Variants in PTPRA observed in about 807,000 individuals in gnomAD.
PTPRA encodes receptor-type tyrosine-protein phosphatase alpha.
Under a neutral mutation model 104.8 loss-of-function variants are expected in PTPRA, and 25 were observed. The observed-to-expected ratio is 0.24, with a 90% CI of 0.17 to 0.33. The LOEUF (loss-of-function observed/expected upper bound fraction) is 0.33, where lower values mean the gene tolerates loss of function less well. Among genes scored for constraint, PTPRA ranks in the 10% least tolerant of loss-of-function variants. The pLI, the probability that PTPRA is intolerant of heterozygous loss-of-function variation, is 1.00. For synonymous variants in PTPRA, 323 were observed against 368.9 expected (o/e 0.88, Z 1.43); for missense variants, 765 against 1,015.3 (o/e 0.75, Z 3.35).
the PTPRA span, chr20:2,866,295 C>G: frequency 6.2e-7 from 1 of 1,613,960 alleles, no homozygotes; most frequent in South Asian, 1.1e-5. Context: ...AGCAGAAGGT[C>G]AAGGCTTTGC....
At chr20:2,974,640 G>C (rs1010155678) in intron 5 of PTPRA, among the ~76,000 whole-genome samples, 1 of 152,088 alleles carries the variant, frequency 6.6e-6, no homozygotes, top group Non-Finnish European at 1.5e-5. Context: ...ATGTTGGCCA[G>C]GCTGGTCTCG....
At chr20:2,988,213 G>A in intron 8 of PTPRA, 108 bp downstream of exon 8, 1 of 1,520,098 alleles carries the variant, frequency 6.6e-7, no homozygotes, top group South Asian at 1.2e-5. Context: ...GAGGAAAAAA[G>A]ATTTTTGAAG....
intron 11 of PTPRA, 79 bp from the exon 12 acceptor site, chr20:3,015,759 TTTGTTAACTGG>T: frequency 1.8e-6 from 2 of 1,107,430 alleles, no homozygotes; most frequent in Middle Eastern, 2.0e-4. Context: ...ATTTTCAGGT[TTTGTTAACTGG>T]TTGGAGTCAG....
intron 3 of PTPRA, among the ~76,000 whole-genome samples, chr20:2,961,895 CT>C (rs904815815): frequency 5.3e-5 from 8 of 152,160 alleles, no homozygotes; most frequent in African/African-American, 1.9e-4. Flanking sequence ...GCCTTTGCTC[CT>C]TTGTCAGTTG....
chr20:2,995,087 A>C (rs922178410), intron 9 of PTPRA, among the ~76,000 whole-genome samples: 4 of 152,288 alleles, frequency 2.6e-5, no homozygotes, highest in Middle Eastern at 3.4e-3. Flanking sequence ...CCAAGATTGC[A>C]CCACTGCTCT....
In PTPRA at chr20:3,037,095, C is replaced by G. The variant is rs2148536273; in HGVS notation, c.2199-59C>G. 1.3e-6 allele frequency: 2 copies of G among 1,585,104 alleles called. No homozygotes were observed. Among genetic ancestry groups the G allele is most frequent in the Middle Eastern group, 3.5e-4 (2 of 5,794 alleles). ...CCTCTTCTGCCACTCACCACTGTCA[C>G]TCACCCCCTTGCACAGAGGGCCATC... On this transcript the variant is annotated intron_variant, in intron 22 of 23. Coordinates refer to ENST00000399903, the MANE Select transcript of PTPRA (RefSeq NM_001385305.1). This position sits in a 1 kb window ranked among gnomAD's most constrained non-coding sequence, Gnocchi z 4.3.
At chr20:2,875,067 G>A (rs2089626359) in intron 1 of PTPRA, among the ~76,000 whole-genome samples, 1 of 152,186 alleles carries the variant, frequency 6.6e-6, no homozygotes, top group Non-Finnish European at 1.5e-5. Flanking sequence ...CCCGTGGTGG[G>A]AGAATCCTCC....
At chr20:2,925,690 T>G (rs949087923) in intron 2 of PTPRA, among the ~76,000 whole-genome samples, 1 of 152,170 alleles carries the variant, frequency 6.6e-6, no homozygotes, top group Non-Finnish European at 1.5e-5. Context: ...GCTGCATGCC[T>G]GTAATTCCCA....
In PTPRA at chr20:2,919,870, C is replaced by T. The variant is rs547441935; in HGVS notation, c.-128-3337C>T. Among the ~76,000 whole-genome samples the T allele has an allele frequency of 8.5e-5, 13 of 152,280 alleles. No homozygotes were observed. In the East Asian group the frequency reaches 2.5e-3, roughly 29 times the overall value. ...CACAAACTACAAATGTTTCTTACAT[C>T]TTTGAGTGGTTGGAAAAATATCAAA... On this transcript the variant is annotated intron_variant, in intron 1 of 23. Coordinates refer to ENST00000399903, the MANE Select transcript of PTPRA (RefSeq NM_001385305.1).
intron 3 of PTPRA, 140 bp downstream of exon 3, chr20:2,948,164 C>CT (rs2061208280): frequency 2.6e-6 from 1 of 381,418 alleles, no homozygotes; most frequent in African/African-American, 2.1e-5. Flanking sequence ...TTGCATTTTA[C>CT]TGAGACCGAT....
intron 9 of PTPRA, among the ~76,000 whole-genome samples, chr20:3,002,125 G>T (rs1196935847): frequency 6.6e-6 from 1 of 151,946 alleles, no homozygotes; most frequent in African/African-American, 2.4e-5. Context: ...GGGTGACAGA[G>T]CGAGACCCTG....
At chr20:3,030,544 T>G (rs1348972713) in intron 20 of PTPRA, among the ~76,000 whole-genome samples, 1 of 152,144 alleles carries the variant, frequency 6.6e-6, no homozygotes, top group East Asian at 1.9e-4. Context: ...TGCCTACACT[T>G]ATACAGTGAC....
intron 5 of PTPRA, among the ~76,000 whole-genome samples, chr20:2,969,018 G>C (rs767917119): frequency 1.3e-5 from 2 of 152,100 alleles, no homozygotes; most frequent in African/African-American, 4.8e-5. Context: ...GACCAGCCTA[G>C]CCGACATGGC....
chr20:2,884,743 C>G (rs1600055995), intron 1 of PTPRA, among the ~76,000 whole-genome samples: 1 of 151,528 alleles, frequency 6.6e-6, no homozygotes, highest in Non-Finnish European at 1.5e-5. Flanking sequence ...TGGACATATC[C>G]TTTTGGGTAG....
At chr20:2,937,568 A>G (rs1169750108) in intron 2 of PTPRA, among the ~76,000 whole-genome samples, 2 of 152,210 alleles carry the variant, frequency 1.3e-5, no homozygotes, top group Non-Finnish European at 2.9e-5. Flanking sequence ...TAGTGTATGT[A>G]TGTGTGTCTG....
intron 1 of PTPRA, among the ~76,000 whole-genome samples, chr20:2,884,793 G>GGTTTTTTTT (rs1162609152): frequency 6.9e-6 from 1 of 145,512 alleles, no homozygotes; most frequent in Non-Finnish European, 1.5e-5. Flanking sequence ...GTAACTCTCT[G>GGTTTTTTTT]GTTTTTTTTG....
At chr20:3,001,679 A>G (rs998186268) in intron 9 of PTPRA, among the ~76,000 whole-genome samples, 3 of 152,202 alleles carry the variant, frequency 2.0e-5, no homozygotes, top group African/African-American at 4.8e-5. Flanking sequence ...TGCGTGTGTA[A>G]GAGTCCAGCC....
chr20:2,905,151 T>C lies in PTPRA; in HGVS notation c.-128-18056T>C, dbSNP rs570499477. The stretch of plus-strand genomic sequence containing the variant: ...AGGTTGTGTGCTCCTTATGAGAATC[T>C]AATGCCTGATGATCTGAGGTGTTGC... On this transcript the variant is annotated intron_variant, in intron 1 of 23. Transcript: ENST00000399903. 6.6e-5 allele frequency among the ~76,000 whole-genome samples: 10 copies of C among 152,298 alleles called. No individual in the cohort carries two copies. In the South Asian group the frequency reaches 2.1e-3, roughly 32 times the overall value.
chr20:2,882,722 A>G (rs538876442), intron 1 of PTPRA, among the ~76,000 whole-genome samples: 1 of 152,220 alleles, frequency 6.6e-6, no homozygotes, highest in Non-Finnish European at 1.5e-5. Flanking sequence ...TCATAAGAAC[A>G]TTACTATATG....
Sources: allele counts gnomAD v4.1 joint callset (sites outside exome capture counted in the v4.1 genomes callset), GRCh38; gene constraint gnomAD v4.1.1; non-coding constraint Gnocchi (gnomAD v3.1); transcripts MANE v1.5; gene names NCBI Gene and HGNC (gene_info 2026-07-23, HGNC 2026-07-21).